The following CSMD2 variants were observed in gnomAD, a reference collection of about 807,000 sequenced individuals.
CSMD2 encodes the protein CUB and Sushi multiple domains 2.
In CSMD2, 130 loss-of-function variants were observed where a neutral mutation model predicts 398.5. The ratio of observed to expected loss-of-function variants is 0.33; its 90% CI spans 0.28 to 0.38. CSMD2 has a LOEUF of 0.38. CSMD2 is among the 10% of genes least tolerant of loss of function. The pLI is 1.00. For missense variants in CSMD2, 3,829 were observed against 4,764.9 expected (o/e 0.80, Z 5.78); for synonymous variants, 1,828 against 1,908.5 (o/e 0.96, Z 1.10).
chr1:33,750,532 C>G (rs139169508), intron 13 of CSMD2, among the ~76,000 whole-genome samples: 1 of 152,130 alleles, frequency 6.6e-6, no homozygotes. Flanking sequence ...CTCTTGACCA[C>G]GACACCTACT....
At chr1:33,809,198 T>G (rs1341087689) in intron 10 of CSMD2, among the ~76,000 whole-genome samples, 1 of 151,964 alleles carries the variant, frequency 6.6e-6, no homozygotes, top group Non-Finnish European at 1.5e-5. Context: ...TAGCAATATA[T>G]TGACACAAAA....
chr1:33,919,020 G>C (rs1017414496), intron 4 of CSMD2, among the ~76,000 whole-genome samples: 4 of 152,190 alleles, frequency 2.6e-5, no homozygotes, highest in African/African-American at 9.7e-5. Flanking sequence ...TTGCATTTTA[G>C]AAAGAACACT....
intron 25 of CSMD2, among the ~76,000 whole-genome samples, chr1:33,689,211 A>G (rs947477499): frequency 6.6e-6 from 1 of 152,066 alleles, no homozygotes; most frequent in African/African-American, 2.4e-5. Flanking sequence ...GGGATGGCAG[A>G]CTGGGGTGGG....
intron 1 of CSMD2, among the ~76,000 whole-genome samples, chr1:34,105,870 C>T (rs1660479151): frequency 6.6e-6 from 1 of 152,148 alleles, no homozygotes; most frequent in African/African-American, 2.4e-5. Flanking sequence ...TTCACAGGTA[C>T]TGCTAATACC....
intron 25 of CSMD2, among the ~76,000 whole-genome samples, chr1:33,679,279 G>A (rs1054313768): frequency 1.4e-5 from 2 of 140,256 alleles, no homozygotes; most frequent in Non-Finnish European, 3.0e-5. Context: ...TTGGCTCACT[G>A]CAATCTCCGC....
At chr1:34,043,423 C>T (rs1222356127) in intron 2 of CSMD2, among the ~76,000 whole-genome samples, 1 of 152,140 alleles carries the variant, frequency 6.6e-6, no homozygotes, top group Admixed American at 6.5e-5. Flanking sequence ...TAAATGTCCT[C>T]AGAGAATAGA....
At chr1:33,847,373 T>C (rs1638336566) in intron 5 of CSMD2, among the ~76,000 whole-genome samples, 1 of 151,836 alleles carries the variant, frequency 6.6e-6, no homozygotes, top group African/African-American at 2.4e-5. Flanking sequence ...TCCCCCAAGA[T>C]GACTTTGGGA....
intron 13 of CSMD2, among the ~76,000 whole-genome samples, chr1:33,753,212 G>A (rs140871221): frequency 0.024 from 3,662 of 152,328 alleles, 65 homozygotes; most frequent in Non-Finnish European, 0.036. Flanking sequence ...AAAAGGCCTT[G>A]ACGGCATTTC....
chr1:33,616,866 A>C, intron 39 of CSMD2, 40 bp downstream of exon 39: 1 of 1,539,312 alleles, frequency 6.5e-7, no homozygotes, highest in African/African-American at 1.4e-5. Context: ...CCCTGAGAGA[A>C]AATTGGTTGG....
At chr1:33,618,904 T>C (rs1049122771) in intron 37 of CSMD2, among the ~76,000 whole-genome samples, 2 of 151,984 alleles carry the variant, frequency 1.3e-5, no homozygotes, top group Non-Finnish European at 2.9e-5. Flanking sequence ...CATGAGCCCA[T>C]GTCTGACCCT....
intron 25 of CSMD2, among the ~76,000 whole-genome samples, chr1:33,681,768 C>A (rs1644914826): frequency 6.6e-6 from 1 of 152,108 alleles, no homozygotes; most frequent in Non-Finnish European, 1.5e-5. Context: ...GAGTTCTAGA[C>A]CAGCCTGGCA....
chr1:33,742,266 A>G (rs891868709), intron 14 of CSMD2, among the ~76,000 whole-genome samples: 1 of 152,236 alleles, frequency 6.6e-6, no homozygotes, highest in Non-Finnish European at 1.5e-5. Flanking sequence ...CCCACCAGGT[A>G]GCATCTAATG....
At chr1:34,098,328 G>A (rs1465726759) in intron 1 of CSMD2, among the ~76,000 whole-genome samples, 3 of 143,258 alleles carry the variant, frequency 2.1e-5, no homozygotes, top group African/African-American at 7.7e-5. Context: ...ACGAGTTAGT[G>A]GGTGCAGCAC....
At chr1:34,144,056 G>A (rs187936614) in intron 1 of CSMD2, among the ~76,000 whole-genome samples, 14 of 152,168 alleles carry the variant, frequency 9.2e-5, no homozygotes, top group African/African-American at 2.7e-4. Flanking sequence ...AGAGATAAGC[G>A]GGCCAGATGA....
At position 33,662,928 on chromosome 1, in the gene CSMD2, A is replaced by G; in HGVS notation, c.4217T>C (p.Phe1406Ser). The G allele has an allele frequency of 1.2e-6, 2 of 1,614,166 alleles. No homozygotes were observed. Among genetic ancestry groups the G allele is most frequent in the Non-Finnish European group, 1.7e-6 (2 of 1,180,026 alleles). The change falls in exon 26 of 71, where the codon TTC becomes TCC. Residue 1406 changes from phenylalanine (F) to serine (S), a missense_variant. Transcript: ENST00000373381. ...GGCAAAGCCCTGCTTGCTGGTGAAG[A>G]AGTCAGTGCTGAACTGCAGGACGAC... ...NSVVLQFSTD[F>S]FTSKQGFAIQ...
intron 41 of CSMD2, 68 bp from the exon 42 acceptor site, chr1:33,605,538 T>C (rs1640537963): frequency 6.0e-6 from 9 of 1,503,442 alleles, no homozygotes; most frequent in South Asian, 4.8e-5. Context: ...GCAGAAAGCA[T>C]AGTGGTGAAG....
intron 5 of CSMD2, among the ~76,000 whole-genome samples, chr1:33,877,204 G>T (rs1044784511): frequency 3.3e-5 from 5 of 152,076 alleles, no homozygotes; most frequent in Non-Finnish European, 5.9e-5. Flanking sequence ...GATGGCTATG[G>T]CGCACAGCCC....
At chr1:33,804,651 T>G in intron 10 of CSMD2, 1 of 713,156 alleles carries the variant, frequency 1.4e-6, no homozygotes, top group Non-Finnish European at 2.6e-6. Context: ...GCTCATCTCA[T>G]AAAACATACT....
At chr1:33,880,416 C>T (rs1343854190) in intron 5 of CSMD2, among the ~76,000 whole-genome samples, 1 of 152,256 alleles carries the variant, frequency 6.6e-6, no homozygotes, top group Non-Finnish European at 1.5e-5. Context: ...ATACCACCTA[C>T]TCTTTAATCA....
Sources: gnomAD v4.1 joint callset for allele counts (sites outside exome capture counted in the v4.1 genomes callset) on GRCh38, gnomAD v4.1.1 for gene constraint, MANE v1.5 for transcripts, NCBI Gene and HGNC (gene_info 2026-07-23, HGNC 2026-07-21) for gene names.